The following GLIPR2 variants were observed in gnomAD, a reference collection of about 807,000 sequenced individuals.
The protein encoded by GLIPR2 is GLI pathogenesis related 2.
GLIPR2 carries 21 observed loss-of-function variants against 20.4 expected under a neutral mutation model. The observed-to-expected ratio is 1.03, with a 90% CI of 0.73 to 1.48. The LOEUF (loss-of-function observed/expected upper bound fraction) is 1.48. Ranked by LOEUF, GLIPR2 falls within the 40% of genes most tolerant of loss-of-function variation. GLIPR2 has a pLI of 0.00. For missense variants in GLIPR2, 205 were observed against 200.1 expected, an observed-to-expected ratio of 1.02 and a Z score of -0.15; for synonymous variants, 91 against 80.5, an observed-to-expected ratio of 1.13 and a Z score of -0.70.
At chr9:36,148,699 G>T (rs1428070242) in intron 3 of GLIPR2, 49 bp downstream of exon 3, 2 of 1,299,990 alleles carry the variant, frequency 1.5e-6, no homozygotes, top group African/African-American at 2.9e-5. Flanking sequence ...CTGGAAGAAG[G>T]ACAAGTCCTC....
chr9:36,158,827 G>A (rs1825940532), intron 4 of GLIPR2, among the ~76,000 whole-genome samples: 1 of 152,218 alleles, frequency 6.6e-6, no homozygotes, highest in Non-Finnish European at 1.5e-5. Context: ...CACTTTGGGA[G>A]GCTGAGGCAG....
intron 4 of GLIPR2, 32 bp from the exon 5 acceptor site, chr9:36,162,330 G>A (rs373347078): frequency 6.2e-6 from 10 of 1,602,034 alleles, no homozygotes; most frequent in South Asian, 4.4e-5. Flanking sequence ...TAATTCAGCC[G>A]TGTCCCTCTC....
chr9:36,149,747 G>C (rs1825500204), intron 3 of GLIPR2, among the ~76,000 whole-genome samples: 1 of 152,202 alleles, frequency 6.6e-6, no homozygotes, highest in South Asian at 2.1e-4. Context: ...AAAATACCAG[G>C]CTGGGCACAG....
chr9:36,156,146 G>C (rs561319545), intron 4 of GLIPR2, among the ~76,000 whole-genome samples: 6 of 152,086 alleles, frequency 3.9e-5, no homozygotes, highest in East Asian at 1.9e-4. Flanking sequence ...GGAGGCGAAG[G>C]TTTCAGTAAG....
At position 36,157,040 on chromosome 9, in the gene GLIPR2, G is replaced by A. The variant is rs57332402; in HGVS notation, c.305-5322G>A. On this transcript the variant is annotated intron_variant, in intron 4 of 4. Transcript: ENST00000377960. ...TATTTTATTATATTTTATTTGAGACGGAGTCTCACACTGTTGCCCGGGCTG... is the reference window on the plus strand; with the variant it reads ...TATTTTATTATATTTTATTTGAGACAGAGTCTCACACTGTTGCCCGGGCTG... Among the ~76,000 whole-genome samples the A allele has an allele frequency of 7.9e-3, 1,192 of 151,782 alleles. 15 individuals carry two copies. The highest frequency in any genetic ancestry group is 0.027 in the African/African-American group (1,132 of 41,412).
chr9:36,139,537 G>A (rs56013922), intron 1 of GLIPR2, among the ~76,000 whole-genome samples: 6,073 of 152,206 alleles, frequency 0.04, 409 homozygotes, highest in African/African-American at 0.14. Context: ...GTTCCAGGCC[G>A]TCAGCCCAGG....
rs1825440207 is a variant in GLIPR2 at position 36,148,554 on chromosome 9, G to T, written c.130G>T (p.Glu44Ter). The T allele has an allele frequency of 4.3e-6, 7 of 1,613,484 alleles. No homozygotes were observed. Among genetic ancestry groups the T allele is most frequent in the Non-Finnish European group, 5.9e-6 (7 of 1,179,394 alleles). The change falls in exon 3 of 5, where the codon GAG becomes TAG. Residue 44 changes from glutamate to a stop codon, truncating the protein, a stop_gained. Coordinates refer to ENST00000377960, the MANE Select transcript of GLIPR2 (RefSeq NM_022343.4). LOFTEE classifies it high-confidence loss of function. ...GCGCTGTGAACTCTGCAGGTATTCTGAGGCCCTGGCCAGCACGAGGATCCT... is the reference window on the plus strand; with the variant it reads ...GCGCTGTGAACTCTGCAGGTATTCTTAGGCCCTGGCCAGCACGAGGATCCT... ...NLNREAQQYS[E>*]ALASTRILKH... is the part of the protein sequence containing the mutation.
In GLIPR2 at chr9:36,147,817, G is replaced by A. The variant is rs140959136; in HGVS notation, c.45G>A (p.Lys15=). Residue 15 remains lysine (K), a synonymous_variant, in exon 2 of 5, where the codon AAG becomes AAA. Transcript: ENST00000377960. ...ASKQFHNEVL[K]AHNEYRQKHG... is the part of the protein sequence containing the mutation. ...AACAGTTTCATAATGAGGTCCTGAA[G>A]GCCCACAATGAGTACCGGCAGAAGC... 44 of 1,585,354 alleles carry A rather than the reference G, an allele frequency of 2.8e-5. No homozygotes were observed. In the African/African-American group the frequency reaches 5.6e-4, roughly 20 times the overall value.
At chr9:36,146,317 C>T (rs1443113922) in intron 1 of GLIPR2, 1 of 152,182 alleles carries the variant, frequency 6.6e-6, no homozygotes, top group Non-Finnish European at 1.5e-5. Context: ...AGATCTCACT[C>T]CTCCGCATGG....
At chr9:36,160,534 G>C (rs922671492) in intron 4 of GLIPR2, among the ~76,000 whole-genome samples, 8 of 151,804 alleles carry the variant, frequency 5.3e-5, no homozygotes, top group Non-Finnish European at 1.0e-4. Flanking sequence ...GGAAGGGAAG[G>C]AGGGAGAGAA....
chr9:36,142,516 AAGC>A (rs1825134392), intron 1 of GLIPR2, among the ~76,000 whole-genome samples: 2 of 152,204 alleles, frequency 1.3e-5, no homozygotes, highest in South Asian at 2.1e-4. Flanking sequence ...GAGCAGGAGA[AAGC>A]AGGCCCGGGA....
chr9:36,160,895 T>C (rs979745685), intron 4 of GLIPR2, among the ~76,000 whole-genome samples: 4 of 151,360 alleles, frequency 2.6e-5, no homozygotes, highest in Admixed American at 2.6e-4. Context: ...TACAAAAAAA[T>C]AGCTGGGCAT....
rs892924573 is a variant in GLIPR2, at chr9:36,136,751, G to C, written c.-28G>C. ...GGCGAGCGCAGTGCAGCGCAGCCGC[G>C]GGGAGCGAGGAGCGCGCGGAGCCGG... On this transcript the variant is annotated 5_prime_UTR_variant, in exon 1 of 5. Coordinates refer to ENST00000377960, the MANE Select transcript of GLIPR2 (RefSeq NM_022343.4). The surrounding 1 kb of genome is among the most constrained non-coding windows in gnomAD (Gnocchi z 4.3). 69 of 1,279,732 alleles carry C rather than the reference G, an allele frequency of 5.4e-5. No homozygotes were observed. Among genetic ancestry groups the C allele is most frequent in the Non-Finnish European group, 6.5e-5 (66 of 1,015,362 alleles). 79.3% of individuals were successfully genotyped at this position (1,279,732 alleles called of 1,614,324 possible). A position where few individuals can be genotyped will look rare whatever the true frequency, so the allele number is the denominator to read the frequency against.
At chr9:36,160,495 AGAAGGGAAGAGAAGAGAAAAAGAGAAGAG>A (rs1316838302) in intron 4 of GLIPR2, among the ~76,000 whole-genome samples, 3 of 152,032 alleles carry the variant, frequency 2.0e-5, no homozygotes, top group Non-Finnish European at 4.4e-5. Flanking sequence ...CCTGTCAGAA[AGAAGGGAAGAGAAGAGAAAAAGAGAAGAG>A]GAAGGGAAGG....
At position 36,148,636 on chromosome 9, in the gene GLIPR2, C is replaced by G. The variant is rs546514724; in HGVS notation, c.212C>G (p.Ser71Cys). ...TGTGGGGAGAACCTTGCATGGGCAT[C>G]CTATGATCAGACAGGTGGGTCGCAT... ...GQCGENLAWA[S>C]YDQTGKEVAD... Residue 71 changes from serine to cysteine, a missense_variant, in exon 3 of 5, where the codon TCC (serine) becomes TGC (cysteine). Physicochemically the swap from Ser to Cys is moderately radical, Grantham distance 112. Transcript: ENST00000377960. The G allele has an allele frequency of 1.2e-6, 2 of 1,611,784 alleles. No individual in the cohort carries two copies. Among genetic ancestry groups the G allele is most frequent in the African/African-American group, 2.7e-5 (2 of 74,982 alleles).
rs142137178 is a variant in GLIPR2 at position 36,145,930 on chromosome 9, C to T, written c.14-1856C>T. On this transcript the variant is annotated intron_variant, in intron 1 of 4. Transcript: ENST00000377960. Reference sequence around the variant, plus strand: ...CACAGCCTCCTTGACTTTGCCCTTTCTGAGATCATGACCTAATTGGGCATG... The same window carrying T: ...CACAGCCTCCTTGACTTTGCCCTTTTTGAGATCATGACCTAATTGGGCATG... 2.6e-5 allele frequency among the ~76,000 whole-genome samples: 4 copies of T among 152,272 alleles called. No homozygotes were observed. In the East Asian group the frequency reaches 5.8e-4, roughly 22 times the overall value.
chr9:36,139,929 A>G (rs1157419487), intron 1 of GLIPR2, among the ~76,000 whole-genome samples: 5 of 152,172 alleles, frequency 3.3e-5, no homozygotes, highest in Non-Finnish European at 5.9e-5. Context: ...GGTGACACCA[A>G]TGATTAATCT....
intron 1 of GLIPR2, among the ~76,000 whole-genome samples, chr9:36,138,161 G>A (rs1824912240): frequency 6.6e-6 from 1 of 152,166 alleles, no homozygotes; most frequent in Non-Finnish European, 1.5e-5. Flanking sequence ...ATCTGCTTGG[G>A]AAATCAACTC....
chr9:36,154,752 G>T (rs116137591), intron 4 of GLIPR2, among the ~76,000 whole-genome samples: 2 of 152,182 alleles, frequency 1.3e-5, no homozygotes, highest in Non-Finnish European at 2.9e-5. Context: ...AACCTCCCCC[G>T]CGAGAAGAAA....
Sources: gnomAD v4.1 joint callset for allele counts (sites outside exome capture counted in the v4.1 genomes callset) on GRCh38, gnomAD v4.1.1 for gene constraint, Gnocchi (gnomAD v3.1) non-coding constraint, MANE v1.5 for transcripts, NCBI Gene and HGNC (gene_info 2026-07-23, HGNC 2026-07-21) for gene names.